The following GLB1L3 variants were observed in gnomAD, a reference collection of about 807,000 sequenced individuals.
The protein encoded by GLB1L3 is beta-galactosidase-1-like protein 3.
A neutral mutation model predicts 89.5 loss-of-function variants in GLB1L3; 89 were observed. That is an observed-to-expected ratio of 0.99 (90% confidence interval 0.84 to 1.19). The LOEUF (loss-of-function observed/expected upper bound fraction) is 1.19. GLB1L3 is among the 50% of genes most tolerant of loss of function. The probability of loss-of-function intolerance (pLI) is 0.00; values close to 1 mark genes in which losing one functional copy is unlikely to be tolerated. For synonymous variants in GLB1L3, 314 were observed against 312.3 expected, an observed-to-expected ratio of 1.01 and a Z score of -0.06; for missense variants, 812 against 813.3, an observed-to-expected ratio of 1.00 and a Z score of 0.02.
chr11:134,314,117 T>C (rs1452285119), intron 17 of GLB1L3, 89 bp downstream of exon 17: 1 of 932,612 alleles, frequency 1.1e-6, no homozygotes, highest in East Asian at 2.6e-5. Flanking sequence ...GAGTCCAAGA[T>C]AGAGACTGAG....
In GLB1L3 at chr11:134,292,166, T is replaced by G. The variant is rs757732787; in HGVS notation, c.764T>G (p.Leu255Trp). Residue 255 changes from leucine (L) to tryptophan (W), a missense_variant, in exon 8 of 20, where the codon TTG becomes TGG. Coordinates refer to ENST00000431683, the MANE Select transcript of GLB1L3 (RefSeq NM_001080407.3). ...AGAAGAGGGATTGTGGAGCTTCTCT[T>G]GACCTCTGATGGTGAGAAACATGTG... ...LLRRGIVELL[L>W]TSDGEKHVLS... The G allele has an allele frequency of 1.2e-6, 2 of 1,613,792 alleles. No homozygotes were observed. Among genetic ancestry groups the G allele is most frequent in the Non-Finnish European group, 1.7e-6 (2 of 1,179,784 alleles).
chr11:134,312,533 C>T (rs1942785814), intron 14 of GLB1L3, 44 bp downstream of exon 14: 4 of 1,599,482 alleles, frequency 2.5e-6, no homozygotes, highest in South Asian at 1.1e-5. Flanking sequence ...AGTGCATCAC[C>T]TCCCCATGCT....
rs1272896051 is a variant in GLB1L3, at chr11:134,310,599, A to G, written c.1128A>G (p.Gly376=). The change falls in exon 12 of 20, where the codon GGA becomes GGG. Residue 376 remains glycine (G), a synonymous_variant. Transcript: ENST00000431683. ...ATGATGCAGTGCTCACGGAGGCTGG[A>G]GATTACACAGAAAAATATCTGAAGC... ...YDYDAVLTEA[G]DYTEKYLKLQ... 2.5e-6 allele frequency: 4 copies of G among 1,613,420 alleles called. No homozygotes were observed. The highest frequency in any genetic ancestry group is 3.4e-6 in the Non-Finnish European group (4 of 1,179,616).
chr11:134,278,347 C>G (rs567460731), intron 3 of GLB1L3, among the ~76,000 whole-genome samples: 1 of 152,020 alleles, frequency 6.6e-6, no homozygotes, highest in Non-Finnish European at 1.5e-5. Context: ...TGCAGTGGCC[C>G]GATCTTAGCT....
chr11:134,296,759 T>G (rs1324533880), intron 9 of GLB1L3, among the ~76,000 whole-genome samples: 3 of 150,670 alleles, frequency 2.0e-5, no homozygotes, highest in Non-Finnish European at 3.0e-5. Context: ...AGTTAATGGG[T>G]GCAGCGCACC....
intron 7 of GLB1L3, among the ~76,000 whole-genome samples, chr11:134,291,896 A>G (rs370409367): frequency 6.6e-6 from 1 of 152,204 alleles, no homozygotes; most frequent in South Asian, 2.1e-4. Context: ...GATGGCTTGA[A>G]TCCAGGAGTT....
chr11:134,280,975 A>G (rs1237223109), intron 3 of GLB1L3, among the ~76,000 whole-genome samples: 1 of 152,252 alleles, frequency 6.6e-6, no homozygotes, highest in Admixed American at 6.5e-5. Flanking sequence ...GATTTACTGT[A>G]ACTCCACTAT....
rs755685959 is a variant in GLB1L3, at chr11:134,293,203, A to C, written c.870A>C (p.Lys290Asn). The C allele has an allele frequency of 6.2e-7, 1 of 1,613,528 alleles. No homozygotes were observed. Among genetic ancestry groups the C allele is most frequent in the East Asian group, 2.2e-5 (1 of 44,874 alleles). The change falls in exon 9 of 20, where the codon AAA becomes AAC. Residue 290 changes from lysine (K) to asparagine (N), a missense_variant. Transcript: ENST00000431683. ...AGGATACTTTCAATCAGCTTCATAA[A>C]GTCCAGGTAAGACATTTCAGACAGG... Reference protein sequence around the residue: ...LHQDTFNQLHKVQRDKPLLIM... With the variant: ...LHQDTFNQLHNVQRDKPLLIM...
At chr11:134,301,789 T>C (rs1941962054) in intron 9 of GLB1L3, among the ~76,000 whole-genome samples, 1 of 152,210 alleles carries the variant, frequency 6.6e-6, no homozygotes, top group Non-Finnish European at 1.5e-5. Context: ...ATATTTGATA[T>C]ACTGTAATTC....
downstream of GLB1L3, among the ~76,000 whole-genome samples, chr11:134,324,511 T>C (rs1333741140): frequency 6.6e-6 from 1 of 152,214 alleles, no homozygotes; most frequent in Non-Finnish European, 1.5e-5. Flanking sequence ...AAAGTGTTAT[T>C]ATAAATCTGT....
intron 2 of GLB1L3, 48 bp from the exon 3 acceptor site, chr11:134,277,652 G>A: frequency 6.4e-7 from 1 of 1,566,570 alleles, no homozygotes; most frequent in East Asian, 2.3e-5. Flanking sequence ...GCCCTCTCCC[G>A]AATCCTCTCT....
chr11:134,290,299 T>C (rs190220902), intron 7 of GLB1L3, among the ~76,000 whole-genome samples: 21 of 152,242 alleles, frequency 1.4e-4, no homozygotes, highest in African/African-American at 4.1e-4. Context: ...CCGGCTGTGC[T>C]CAGTGGCGCA....
chr11:134,284,046 G>C (rs1940851975), intron 6 of GLB1L3, among the ~76,000 whole-genome samples: 1 of 152,106 alleles, frequency 6.6e-6, no homozygotes, highest in Admixed American at 6.5e-5. Context: ...GCTTCCCCAG[G>C]GTTGCTAGAA....
chr11:134,308,259 C>CCAT (rs1942358643), intron 10 of GLB1L3, among the ~76,000 whole-genome samples: 2 of 31,460 alleles, frequency 6.4e-5, no homozygotes, highest in Non-Finnish European at 1.2e-4. Context: ...ACCATCACCA[C>CCAT]CACCACCACC....
chr11:134,293,947 C>T (rs902128199), intron 9 of GLB1L3, among the ~76,000 whole-genome samples: 2 of 152,160 alleles, frequency 1.3e-5, no homozygotes, highest in African/African-American at 2.4e-5. Context: ...GAGGGCCTTC[C>T]TTCCATTCCA....
At chr11:134,314,462 C>A in intron 18 of GLB1L3, 21 bp downstream of exon 18, 1 of 1,436,614 alleles carries the variant, frequency 7.0e-7, no homozygotes, top group Non-Finnish European at 9.6e-7. Context: ...CCCTCTGCTG[C>A]CCTGGTGTTC....
At chr11:134,323,249 G>A (rs899999280), downstream of GLB1L3, among the ~76,000 whole-genome samples, 2 of 152,152 alleles carry the variant, frequency 1.3e-5, no homozygotes, top group South Asian at 2.1e-4. Flanking sequence ...GGCTGGGCGC[G>A]GTGGCTTATG....
intron 18 of GLB1L3, among the ~76,000 whole-genome samples, chr11:134,316,561 A>G (rs1942988303): frequency 6.6e-6 from 1 of 152,222 alleles, no homozygotes; most frequent in South Asian, 2.1e-4. Flanking sequence ...AGCTGATACT[A>G]AAGGTGAGCA....
At chr11:134,297,532 A>G (rs931595336) in intron 9 of GLB1L3, among the ~76,000 whole-genome samples, 2 of 152,084 alleles carry the variant, frequency 1.3e-5, no homozygotes, top group African/African-American at 4.8e-5. Flanking sequence ...CTTATTACTT[A>G]TGTCAGTTTA....
Sources: allele counts gnomAD v4.1 joint callset (sites outside exome capture counted in the v4.1 genomes callset), GRCh38; gene constraint gnomAD v4.1.1; transcripts MANE v1.5; gene names NCBI Gene and HGNC (gene_info 2026-07-23, HGNC 2026-07-21).